The following DNM3 variants were observed in gnomAD, a reference collection of about 807,000 sequenced individuals.
The protein encoded by DNM3 is dynamin-3.
A neutral mutation model predicts 101.6 loss-of-function variants in DNM3; 47 were observed. The ratio of observed to expected loss-of-function variants is 0.46; its 90% confidence interval spans 0.37 to 0.59. The LOEUF is 0.59. Among genes scored for constraint, DNM3 ranks in the 20% least tolerant of loss-of-function variants. The pLI is 0.00. For missense variants in DNM3, 849 were observed against 1,085.7 expected (o/e 0.78, Z 3.06); for synonymous variants, 385 against 387.9 (o/e 0.99, Z 0.09).
At chr1:172,134,379 A>C (rs2057107792) in intron 14 of DNM3, among the ~76,000 whole-genome samples, 1 of 152,164 alleles carries the variant, frequency 6.6e-6, no homozygotes, top group Admixed American at 6.5e-5. Flanking sequence ...CTCAATGATG[A>C]TCTTAATGAG....
At chr1:172,383,355 C>T (rs982885647) in intron 18 of DNM3, among the ~76,000 whole-genome samples, 22 of 152,108 alleles carry the variant, frequency 1.4e-4, no homozygotes, top group Non-Finnish European at 2.8e-4. Flanking sequence ...AGGAAAACTT[C>T]CTTGGTCTTT....
intron 2 of DNM3, among the ~76,000 whole-genome samples, chr1:171,943,137 A>T (rs2041930531): frequency 6.6e-6 from 1 of 151,994 alleles, no homozygotes; most frequent in South Asian, 2.1e-4. Context: ...AAAAAATAAA[A>T]AAAGAAAAAG....
intron 15 of DNM3, among the ~76,000 whole-genome samples, chr1:172,271,399 G>A (rs2063079569): frequency 6.6e-6 from 1 of 151,986 alleles, no homozygotes; most frequent in Non-Finnish European, 1.5e-5. Flanking sequence ...TAAATTATAT[G>A]TTTTACTTTA....
chr1:172,235,761 C>A (rs1486473166), intron 14 of DNM3, among the ~76,000 whole-genome samples: 2 of 151,962 alleles, frequency 1.3e-5, no homozygotes, highest in Non-Finnish European at 2.9e-5. Flanking sequence ...AACCAAACAC[C>A]GCATGTTCTC....
At chr1:172,173,833 G>A (rs1249011946) in intron 14 of DNM3, among the ~76,000 whole-genome samples, 13 of 151,486 alleles carry the variant, frequency 8.6e-5, no homozygotes, top group Non-Finnish European at 1.9e-4. Context: ...TATATTTTGC[G>A]GTGAACATAA....
chr1:171,847,879 ACTCTCTCTCTCTCT>A (rs141950487), intron 1 of DNM3, among the ~76,000 whole-genome samples: 1 of 140,394 alleles, frequency 7.1e-6, no homozygotes, highest in African/African-American at 2.7e-5. Context: ...CATATTAATT[ACTCTCTCTCTCTCT>A]CTCTGTGTGT....
chr1:172,093,016 T>A, intron 13 of DNM3, 141 bp downstream of exon 13: 1 of 787,478 alleles, frequency 1.3e-6, no homozygotes, highest in Non-Finnish European at 1.9e-6. Context: ...TTGTTTTTGC[T>A]TTTAAAATTT....
chr1:172,019,582 C>A (rs933382527), intron 4 of DNM3, among the ~76,000 whole-genome samples: 6 of 151,882 alleles, frequency 4.0e-5, no homozygotes, highest in African/African-American at 1.5e-4. Context: ...CTTTCTCTCT[C>A]TCTTCTTCTG....
intron 1 of DNM3, among the ~76,000 whole-genome samples, chr1:171,847,740 G>A (rs1183092401): frequency 6.6e-6 from 1 of 152,164 alleles, no homozygotes; most frequent in Non-Finnish European, 1.5e-5. Flanking sequence ...CAGGGAAAAT[G>A]TCCTAAAGGC....
rs191026701 is a variant in DNM3, at chr1:172,303,202, T to G, written c.1770-5526T>G. Among the ~76,000 whole-genome samples the G allele has an allele frequency of 2.6e-5, 4 of 152,038 alleles. No individual in the cohort carries two copies. In the East Asian group the frequency reaches 7.7e-4, roughly 29 times the overall value. On this transcript the variant is annotated intron_variant, in intron 15 of 20. Transcript: ENST00000627582. ...AAGACCTTAAATGACCTGATGGAGCTGAAAACCATGGCATGAGAACTACAT... is the reference window on the plus strand; with the variant it reads ...AAGACCTTAAATGACCTGATGGAGCGGAAAACCATGGCATGAGAACTACAT...
chr1:171,988,460 A>G (rs1485823725), intron 3 of DNM3, among the ~76,000 whole-genome samples: 1 of 152,040 alleles, frequency 6.6e-6, no homozygotes, highest in Non-Finnish European at 1.5e-5. Context: ...CTCTGTTTGT[A>G]CAGCTGATTC....
intron 17 of DNM3, among the ~76,000 whole-genome samples, chr1:172,372,823 A>G (rs2068413152): frequency 6.6e-6 from 1 of 151,074 alleles, no homozygotes; most frequent in African/African-American, 2.4e-5. Context: ...ATCTGGAACT[A>G]CGGGCATGCA....
chr1:171,959,205 G>T (rs2043051069), intron 2 of DNM3, among the ~76,000 whole-genome samples: 1 of 152,086 alleles, frequency 6.6e-6, no homozygotes, highest in African/African-American at 2.4e-5. Flanking sequence ...AATGGTATTG[G>T]ACAGTTTTGA....
intron 15 of DNM3, among the ~76,000 whole-genome samples, chr1:172,255,611 T>A (rs950714029): frequency 2.0e-5 from 3 of 152,108 alleles, no homozygotes; most frequent in African/African-American, 7.2e-5. Context: ...AATCTAGATA[T>A]TTTGGGATCT....
At chr1:172,168,769 G>C (rs867515033) in intron 14 of DNM3, among the ~76,000 whole-genome samples, 1 of 151,850 alleles carries the variant, frequency 6.6e-6, no homozygotes, top group East Asian at 1.9e-4. Flanking sequence ...CCCCTCACAC[G>C]GTCTTATTGC....
chr1:171,846,023 A>G (rs1161026112), intron 1 of DNM3, among the ~76,000 whole-genome samples: 3 of 152,180 alleles, frequency 2.0e-5, no homozygotes, highest in African/African-American at 7.2e-5. Flanking sequence ...ATTTTTCAAG[A>G]AATTGCTTCT....
At chr1:171,903,884 A>G (rs2038589766) in intron 1 of DNM3, among the ~76,000 whole-genome samples, 1 of 152,252 alleles carries the variant, frequency 6.6e-6, no homozygotes. Flanking sequence ...CAAGATAATC[A>G]CAGAGCTAGA....
At chr1:171,944,219 AT>A (rs1355511018) in intron 2 of DNM3, among the ~76,000 whole-genome samples, 4 of 151,884 alleles carry the variant, frequency 2.6e-5, no homozygotes, top group Non-Finnish European at 5.9e-5. Context: ...CTATTCTTAA[AT>A]TTTTTTTCAG....
intron 1 of DNM3, among the ~76,000 whole-genome samples, chr1:171,871,099 T>C (rs1471819335): frequency 6.6e-6 from 1 of 152,144 alleles, no homozygotes; most frequent in East Asian, 1.9e-4. Context: ...AAGTTTGCAA[T>C]GGACATCGTC....
Sources: gnomAD v4.1 joint callset for allele counts (sites outside exome capture counted in the v4.1 genomes callset) on GRCh38, gnomAD v4.1.1 for gene constraint, MANE v1.5 for transcripts, NCBI Gene and HGNC (gene_info 2026-07-23, HGNC 2026-07-21) for gene names.